The following ABI2 variants were observed in gnomAD, a reference collection of about 807,000 sequenced individuals.
ABI2 encodes the protein abl interactor 2.
ABI2 carries 25 observed loss-of-function variants against 59.2 expected under a neutral mutation model. The ratio of observed to expected loss-of-function variants is 0.42; its 90% CI spans 0.31 to 0.59. ABI2 has a LOEUF of 0.59. Among genes scored for constraint, ABI2 ranks in the 20% least tolerant of loss-of-function variants. The pLI is 0.14. For synonymous variants in ABI2, 213 were observed against 235.5 expected (o/e 0.90, Z 0.87); for missense variants, 545 against 681.8 (o/e 0.80, Z 2.23).
At position 203,328,471 on chromosome 2, in the gene ABI2, C is replaced by T. The variant is rs1456523040; in HGVS notation, c.-44C>T. Reference sequence around the variant, plus strand: ...TTTCCTTGGCGCTGCGGCCGCCGCTCCCTCTGCGACCTGTATGAGGAGGAG... The same window carrying T: ...TTTCCTTGGCGCTGCGGCCGCCGCTTCCTCTGCGACCTGTATGAGGAGGAG... On this transcript the variant is annotated 5_prime_UTR_variant, in exon 1 of 12. Transcript: ENST00000261018. 6.7e-7 allele frequency: 1 copy of T among 1,483,648 alleles called. No homozygotes were observed. The allele number at this position is 1,483,648 out of a possible 1,614,324, so 91.9% of individuals were successfully genotyped here. A position where few individuals can be genotyped will look rare whatever the true frequency, so the allele number is the denominator to read the frequency against.
chr2:203,403,187 TG>T (rs1266319620), intron 9 of ABI2: 1 of 152,702 alleles, frequency 6.5e-6, no homozygotes, highest in African/African-American at 2.4e-5. Context: ...ACCAAACCCA[TG>T]GTGGAAAAAC....
intron 9 of ABI2, among the ~76,000 whole-genome samples, chr2:203,403,742 GTTTTTTTT>G (rs56123341): frequency 6.3e-5 from 6 of 95,302 alleles, no homozygotes; most frequent in Admixed American, 1.4e-4. Context: ...CTTTCTTTCT[GTTTTTTTT>G]TTTTTTTTTT....
At chr2:203,403,742 G>GTTTTTTTTTTT (rs56123341) in intron 9 of ABI2, among the ~76,000 whole-genome samples, 1 of 95,302 alleles carries the variant, frequency 1.0e-5, no homozygotes, top group Non-Finnish European at 1.9e-5. Context: ...CTTTCTTTCT[G>GTTTTTTTTTTT]TTTTTTTTTT....
intron 1 of ABI2, among the ~76,000 whole-genome samples, chr2:203,359,378 G>A (rs1270767427): frequency 6.6e-6 from 1 of 152,058 alleles, no homozygotes; most frequent in East Asian, 1.9e-4. Context: ...TTAATTTAGA[G>A]TATTCAGCCT....
At position 203,375,967 on chromosome 2, in the gene ABI2, T is replaced by C. The variant is rs1175538949; in HGVS notation, c.286-4241T>C. On this transcript the variant is annotated intron_variant, in intron 2 of 11. Coordinates refer to ENST00000261018, the MANE Select transcript of ABI2 (RefSeq NM_001375670.1). ...AGTTCAACCCCGTGTGGTAGTATGA[T>C]GGCAAGAATGCAAATTATACCGTTG... 3.9e-6 allele frequency: 4 copies of C among 1,018,432 alleles called. 1 individual carries two copies. The highest frequency in any genetic ancestry group is 3.2e-5 in the African/African-American group (2 of 62,322). The allele number at this position is 1,018,432 out of a possible 1,614,324, so 63.1% of individuals were successfully genotyped here.
chr2:203,409,899 C>T (rs780853419), intron 9 of ABI2, among the ~76,000 whole-genome samples: 2 of 152,216 alleles, frequency 1.3e-5, no homozygotes, highest in African/African-American at 2.4e-5. Context: ...AATCCAACCT[C>T]TTTCCACTAA....
In ABI2 at chr2:203,344,663, G is replaced by A. The variant is rs370180869; in HGVS notation, c.117+16032G>A. Among the ~76,000 whole-genome samples the A allele has an allele frequency of 9.9e-5, 15 of 152,040 alleles. 1 individual carries two copies. The highest frequency in any genetic ancestry group is 2.9e-4 in the African/African-American group (12 of 41,482). On this transcript the variant is annotated intron_variant, in intron 1 of 11. Coordinates refer to ENST00000261018, the MANE Select transcript of ABI2 (RefSeq NM_001375670.1). The stretch of plus-strand genomic sequence containing the variant: ...TGAAGCCAGCTGGGCTTCTGGGTCC[G>A]GTGGGGACTTGGAGAATTTTTCTGT...
At chr2:203,396,727 A>G in intron 7 of ABI2, 58 bp from the exon 8 acceptor site, 2 of 1,442,774 alleles carry the variant, frequency 1.4e-6, no homozygotes, top group Non-Finnish European at 1.8e-6. Context: ...TACCTTTTCT[A>G]ATCCTGCCTC....
intron 1 of ABI2, among the ~76,000 whole-genome samples, chr2:203,365,868 A>G (rs900957835): frequency 2.6e-5 from 4 of 151,826 alleles, no homozygotes; most frequent in Admixed American, 1.3e-4. Context: ...TGACCTCATG[A>G]TCTGCCCGCC....
chr2:203,354,614 G>A (rs138211429), intron 1 of ABI2, among the ~76,000 whole-genome samples: 55 of 152,280 alleles, frequency 3.6e-4, no homozygotes, highest in African/African-American at 1.1e-3. Flanking sequence ...GGTCAAAGGC[G>A]TAGGACTTTA....
In ABI2 at chr2:203,394,761, G is replaced by A; in HGVS notation, c.640G>A (p.Val214Ile). The stretch of plus-strand genomic sequence containing the variant: ...TCCTCCAGTGGTACCAAATGATTAC[G>A]TACCTAGCCCAACCCGTAATATGGC... ...VRPPVVPNDY[V>I]PSPTRNMAPS... Residue 214 changes from valine to isoleucine, a missense_variant, in exon 6 of 12, where the codon GTA (valine) becomes ATA (isoleucine). By Grantham distance (29) the Val-to-Ile change is conservative. Transcript: ENST00000261018. 1.2e-6 allele frequency: 2 copies of A among 1,614,072 alleles called. No homozygotes were observed. The highest frequency in any genetic ancestry group is 1.7e-6 in the Non-Finnish European group (2 of 1,180,012).
At chr2:203,392,025 T>A (rs968422473) in intron 5 of ABI2, among the ~76,000 whole-genome samples, 1 of 152,236 alleles carries the variant, frequency 6.6e-6, no homozygotes, top group East Asian at 1.9e-4. Flanking sequence ...GTGATTAAAA[T>A]TCTGTTTCAG....
At chr2:203,328,710 C>T in intron 1 of ABI2, 79 bp downstream of exon 1, 3 of 941,230 alleles carry the variant, frequency 3.2e-6, no homozygotes, top group Non-Finnish European at 4.5e-6. Context: ...GGGCCGAGGC[C>T]GCCTCGGGGA....
In ABI2 at chr2:203,429,294, A is replaced by G. The variant is rs1022263608; in HGVS notation, c.*1942A>G. The G allele has an allele frequency of 1.3e-5, 2 of 152,236 alleles. No individual in the cohort carries two copies. The highest frequency in any genetic ancestry group is 1.5e-5 in the Non-Finnish European group (1 of 68,054). The allele number at this position is 152,236 out of a possible 1,614,324, so 9.4% of individuals were successfully genotyped here. ...GAATGTCCTCTGAGCCTTCAGCTCCATTATGGACCCAAACTAGACTATACT... is the reference window on the plus strand; with the variant it reads ...GAATGTCCTCTGAGCCTTCAGCTCCGTTATGGACCCAAACTAGACTATACT... On this transcript the variant is annotated 3_prime_UTR_variant, in exon 12 of 12. Transcript: ENST00000261018.
chr2:203,354,386 T>C (rs2090743966), intron 1 of ABI2, among the ~76,000 whole-genome samples: 1 of 152,178 alleles, frequency 6.6e-6, no homozygotes, highest in Non-Finnish European at 1.5e-5. Context: ...GCCCTAATAA[T>C]TCATTTTTTT....
At chr2:203,386,565 T>G (rs1388119227) in intron 4 of ABI2, 2 of 413,524 alleles carry the variant, frequency 4.8e-6, no homozygotes, top group Admixed American at 1.3e-4. Flanking sequence ...CCAGCTCAGG[T>G]TTTTCTCTAT....
At chr2:203,404,075 G>A (rs947435875) in intron 9 of ABI2, among the ~76,000 whole-genome samples, 4 of 151,896 alleles carry the variant, frequency 2.6e-5, no homozygotes, top group African/African-American at 9.7e-5. Context: ...TCTTTCTATT[G>A]TCCTACCTAC....
chr2:203,407,793 G>A (rs2097493485), intron 9 of ABI2, among the ~76,000 whole-genome samples: 1 of 152,022 alleles, frequency 6.6e-6, no homozygotes, highest in Non-Finnish European at 1.5e-5. Flanking sequence ...TTCTTTGCCT[G>A]TTCACAAAAT....
Position 203,402,739 on chromosome 2 carries a change from G to T in ABI2, c.1192+5G>T. 6.5e-7 allele frequency: 1 copy of T among 1,550,162 alleles called. No individual in the cohort carries two copies. The highest frequency in any genetic ancestry group is 8.6e-7 in the Non-Finnish European group (1 of 1,156,416). The stretch of plus-strand genomic sequence containing the variant: ...CTTTTTATAGCCAGAATCCAGGTTA[G>T]TTTTTTTGTTTTTTTGCATTCTATA... On this transcript the variant is annotated splice_donor_5th_base_variant and intron_variant, in intron 9 of 11. Coordinates refer to ENST00000261018, the MANE Select transcript of ABI2 (RefSeq NM_001375670.1).
Sources: allele counts gnomAD v4.1 joint callset (sites outside exome capture counted in the v4.1 genomes callset), GRCh38; gene constraint gnomAD v4.1.1; transcripts MANE v1.5; gene names NCBI Gene and HGNC (gene_info 2026-07-23, HGNC 2026-07-21).